The following FRMD4B variants were observed in gnomAD, a reference collection of about 807,000 sequenced individuals.
FRMD4B encodes FERM domain-containing protein 4B.
A neutral mutation model predicts 141.5 loss-of-function variants in FRMD4B; 74 were observed. The observed-to-expected ratio is 0.52, with a 90% CI of 0.43 to 0.63. FRMD4B has a LOEUF of 0.63. Among genes scored for constraint, FRMD4B ranks in the 30% least tolerant of loss-of-function variants. The pLI, the probability that FRMD4B is intolerant of heterozygous loss-of-function variation, is 0.00. For missense variants in FRMD4B, 1,366 were observed against 1,253.4 expected, an observed-to-expected ratio of 1.09 and a Z score of -1.36; for synonymous variants, 506 against 467.9, an observed-to-expected ratio of 1.08 and a Z score of -1.05.
intron 1 of FRMD4B, among the ~76,000 whole-genome samples, chr3:69,362,937 A>G (rs953621428): frequency 8.6e-5 from 13 of 151,688 alleles, no homozygotes; most frequent in Non-Finnish European, 1.2e-4. Context: ...CAATTCTTCT[A>G]TAAGTCCTGA....
intron 4 of FRMD4B, among the ~76,000 whole-genome samples, chr3:69,291,882 G>T (rs1275784591): frequency 6.7e-6 from 1 of 150,240 alleles, no homozygotes. Context: ...CCATGCTAGG[G>T]ATAATACAAA....
At chr3:69,270,467 G>A (rs1263932581) in intron 5 of FRMD4B, among the ~76,000 whole-genome samples, 1 of 152,154 alleles carries the variant, frequency 6.6e-6, no homozygotes, top group African/African-American at 2.4e-5. Context: ...TAGTTGGTAT[G>A]GATAAGTTTG....
intron 3 of FRMD4B, among the ~76,000 whole-genome samples, chr3:69,304,820 G>C (rs72934863): frequency 0.036 from 5,465 of 152,100 alleles, 335 homozygotes; most frequent in African/African-American, 0.12. Context: ...GTGGGATAGC[G>C]TGTCAAAATG....
At chr3:69,325,614 T>C (rs1702165876) in intron 1 of FRMD4B, among the ~76,000 whole-genome samples, 1 of 152,170 alleles carries the variant, frequency 6.6e-6, no homozygotes. Context: ...TATCATGGTA[T>C]CTCTCTAAAT....
intron 1 of FRMD4B, among the ~76,000 whole-genome samples, chr3:69,455,614 C>T (rs1162522083): frequency 6.6e-6 from 1 of 152,214 alleles, no homozygotes; most frequent in Non-Finnish European, 1.5e-5. Context: ...TCTTTAAGAA[C>T]TGTAATGCTC....
intron 14 of FRMD4B, among the ~76,000 whole-genome samples, chr3:69,195,690 T>C (rs1156417223): frequency 7.2e-6 from 1 of 139,368 alleles, no homozygotes; most frequent in Non-Finnish European, 1.5e-5. Flanking sequence ...TGAAGAGTTG[T>C]TTCAAGTGTT....
chr3:69,375,138 A>G (rs1575774239), intron 1 of FRMD4B, among the ~76,000 whole-genome samples: 1 of 146,656 alleles, frequency 6.8e-6, no homozygotes. Context: ...CATCCATCTA[A>G]CAATCCACCC....
chr3:69,453,507 G>A (rs1392704291), intron 1 of FRMD4B, among the ~76,000 whole-genome samples: 1 of 152,214 alleles, frequency 6.6e-6, no homozygotes, highest in Non-Finnish European at 1.5e-5. Context: ...AATACAAAGT[G>A]ATGCCTGGAG....
At chr3:69,399,497 A>C (rs1234328539) in intron 2 of FRMD4B, among the ~76,000 whole-genome samples, 3 of 152,224 alleles carry the variant, frequency 2.0e-5, no homozygotes, top group Non-Finnish European at 4.4e-5. Flanking sequence ...ATTAGTAAAC[A>C]AGTCACATTA....
chr3:69,485,531 C>T (rs993249206), intron 1 of FRMD4B, among the ~76,000 whole-genome samples: 2 of 152,186 alleles, frequency 1.3e-5, no homozygotes, highest in Non-Finnish European at 2.9e-5. Flanking sequence ...GTTGCAGCCA[C>T]AGCTTGGGCA....
At chr3:69,511,527 A>C (rs1436155666) in intron 1 of FRMD4B, among the ~76,000 whole-genome samples, 1 of 152,186 alleles carries the variant, frequency 6.6e-6, no homozygotes, top group Non-Finnish European at 1.5e-5. Context: ...CCATGGAAAC[A>C]CAACTCTCCA....
intron 1 of FRMD4B, among the ~76,000 whole-genome samples, chr3:69,445,448 A>C (rs1477483301): frequency 6.6e-6 from 1 of 152,138 alleles, no homozygotes; most frequent in Non-Finnish European, 1.5e-5. Flanking sequence ...TCAGGCCATA[A>C]ACCTGTATAT....
intron 1 of FRMD4B, among the ~76,000 whole-genome samples, chr3:69,483,939 G>A (rs1007993382): frequency 1.1e-4 from 16 of 152,198 alleles, no homozygotes; most frequent in Admixed American, 6.5e-4. Context: ...TCAGCTTGCC[G>A]ATTTTGTTCT....
At chr3:69,531,038 T>C (rs1407068991) in intron 1 of FRMD4B, among the ~76,000 whole-genome samples, 6 of 152,146 alleles carry the variant, frequency 3.9e-5, no homozygotes, top group Admixed American at 3.9e-4. Context: ...TAGAGAGACA[T>C]GGATGCAAAT....
At chr3:69,425,980 C>CAAAGATAATTAGTTTCAAAATTAACCCCA (rs1705070429) in intron 2 of FRMD4B, among the ~76,000 whole-genome samples, 1 of 152,192 alleles carries the variant, frequency 6.6e-6, no homozygotes, top group Non-Finnish European at 1.5e-5. Flanking sequence ...TCAAAGTCTA[C>CAAAGATAATTAGTTTCAAAATTAACCCCA]CATAACAGGT....
At chr3:69,422,412 A>AG (rs1360236187) in intron 2 of FRMD4B, among the ~76,000 whole-genome samples, 1 of 150,136 alleles carries the variant, frequency 6.7e-6, no homozygotes, top group Non-Finnish European at 1.5e-5. Flanking sequence ...AGAAAAGGAG[A>AG]GGGGGCAGGG....
chr3:69,404,401 C>T (rs751160977), intron 2 of FRMD4B, among the ~76,000 whole-genome samples: 1 of 152,116 alleles, frequency 6.6e-6, no homozygotes, highest in Non-Finnish European at 1.5e-5. Flanking sequence ...GTAACTCTGG[C>T]TTTGAGATGT....
chr3:69,436,401 C>T (rs929354275), intron 1 of FRMD4B, among the ~76,000 whole-genome samples: 6 of 152,180 alleles, frequency 3.9e-5, no homozygotes, highest in Non-Finnish European at 2.9e-5. Context: ...TACCATTTCA[C>T]ACCTACTAGG....
intron 1 of FRMD4B, among the ~76,000 whole-genome samples, chr3:69,336,769 C>G (rs1389729945): frequency 6.6e-6 from 1 of 151,918 alleles, no homozygotes; most frequent in East Asian, 1.9e-4. Context: ...GGAGAGAAAC[C>G]CTATCTCTAC....
Sources: allele counts gnomAD v4.1 joint callset (sites outside exome capture counted in the v4.1 genomes callset), GRCh38; gene constraint gnomAD v4.1.1; transcripts MANE v1.5; gene names NCBI Gene and HGNC (gene_info 2026-07-23, HGNC 2026-07-21).